The following PELI2 variants were observed in gnomAD, a reference collection of about 807,000 sequenced individuals.
PELI2 encodes E3 ubiquitin-protein ligase pellino homolog 2.
In PELI2, 23 loss-of-function variants were observed where a neutral mutation model predicts 42.3. The observed-to-expected ratio is 0.54, with a 90% CI of 0.39 to 0.77. The LOEUF is 0.77. Among genes scored for constraint, PELI2 ranks in the 30% least tolerant of loss-of-function variants. The pLI, the probability that PELI2 is intolerant of heterozygous loss-of-function variation, is 0.00. For missense variants in PELI2, 463 were observed against 553.2 expected (o/e 0.84, Z 1.64); for synonymous variants, 245 against 212.2 (o/e 1.15, Z -1.34).
In PELI2 at chr14:56,263,426, A is replaced by G. The variant is rs190245971; in HGVS notation, c.208-16250A>G. ...AAAAAAAAGAGGTGAATGCAAAACT[A>G]TCATCTAAACATTGAATTACACTCT... On this transcript the variant is annotated intron_variant, in intron 2 of 5. Coordinates refer to ENST00000267460, the MANE Select transcript of PELI2 (RefSeq NM_021255.3). Among the ~76,000 whole-genome samples the G allele has an allele frequency of 5.6e-3, 851 of 152,334 alleles. 5 individuals carry two copies. Among genetic ancestry groups the G allele is most frequent in the Middle Eastern group, 0.017 (5 of 294 alleles).
At chr14:56,141,641 G>T (rs1356544906) in intron 1 of PELI2, among the ~76,000 whole-genome samples, 1 of 152,172 alleles carries the variant, frequency 6.6e-6, no homozygotes, top group Non-Finnish European at 1.5e-5. Context: ...CCTCTTCACA[G>T]GTCAGCGGGA....
chr14:56,230,297 G>A (rs1487937525), intron 2 of PELI2, among the ~76,000 whole-genome samples: 2 of 152,126 alleles, frequency 1.3e-5, no homozygotes, highest in Non-Finnish European at 2.9e-5. Flanking sequence ...ACACATGATT[G>A]TCAGATTCAC....
intron 1 of PELI2, among the ~76,000 whole-genome samples, chr14:56,125,919 A>G (rs562746552): frequency 1.3e-5 from 2 of 152,230 alleles, no homozygotes; most frequent in South Asian, 2.1e-4. Flanking sequence ...GCCACCCCAC[A>G]TGGAGATGTG....
chr14:56,122,334 A>T (rs972511915), intron 1 of PELI2, among the ~76,000 whole-genome samples: 2 of 152,166 alleles, frequency 1.3e-5, no homozygotes, highest in African/African-American at 4.8e-5. Flanking sequence ...ATTCTTGAGG[A>T]CACAGGCTCC....
At chr14:56,239,538 T>C (rs954952620) in intron 2 of PELI2, among the ~76,000 whole-genome samples, 2 of 152,218 alleles carry the variant, frequency 1.3e-5, no homozygotes, top group Non-Finnish European at 2.9e-5. Flanking sequence ...TTAATACTAA[T>C]TACAACATAT....
chr14:56,198,006 ACACACACC>A (rs1308986310), intron 2 of PELI2, among the ~76,000 whole-genome samples: 47 of 116,458 alleles, frequency 4.0e-4, no homozygotes, highest in South Asian at 1.6e-3. Context: ...ACACACACAC[ACACACACC>A]CACCTCTTTG....
chr14:56,237,648 C>T (rs1050470792), intron 2 of PELI2, among the ~76,000 whole-genome samples: 4 of 150,952 alleles, frequency 2.6e-5, no homozygotes, highest in African/African-American at 7.3e-5. Context: ...AAATCTCCAT[C>T]CCCAAGCATC....
chr14:56,122,721 A>G (rs1305928386), intron 1 of PELI2, among the ~76,000 whole-genome samples: 1 of 152,124 alleles, frequency 6.6e-6, no homozygotes, highest in Admixed American at 6.6e-5. Context: ...GGGGAAAAAC[A>G]TGTCTTGATT....
chr14:56,300,804 G>A lies in PELI2; in HGVS notation c.*3638G>A, dbSNP rs1169517141. ...TCTGTCCCAGTAGTTTAGCCTTTGT[G>A]GCTTAGGTTATGATGCGCCTCCTTC... On this transcript the variant is annotated 3_prime_UTR_variant, in exon 6 of 6. Coordinates refer to ENST00000267460, the MANE Select transcript of PELI2 (RefSeq NM_021255.3). 6.6e-6 allele frequency: 1 copy of A among 152,082 alleles called. No individual in the cohort carries two copies. Among genetic ancestry groups the A allele is most frequent in the Non-Finnish European group, 1.5e-5 (1 of 68,008 alleles). The allele number at this position is 152,082 out of a possible 1,614,324, so 9.4% of individuals were successfully genotyped here. A position where few individuals can be genotyped will look rare whatever the true frequency, so the allele number is the denominator to read the frequency against.
At chr14:56,124,983 A>G (rs1053709055) in intron 1 of PELI2, among the ~76,000 whole-genome samples, 2 of 152,102 alleles carry the variant, frequency 1.3e-5, no homozygotes, top group South Asian at 4.1e-4. Context: ...AGCACAGGAG[A>G]CTGTCTCAGG....
chr14:56,231,634 T>G (rs1887576116), intron 2 of PELI2, among the ~76,000 whole-genome samples: 1 of 152,148 alleles, frequency 6.6e-6, no homozygotes. Flanking sequence ...TTTATAGCAC[T>G]AAATGCTCAC....
At chr14:56,156,983 C>T (rs1012140676) in intron 1 of PELI2, among the ~76,000 whole-genome samples, 3 of 152,054 alleles carry the variant, frequency 2.0e-5, no homozygotes, top group Non-Finnish European at 4.4e-5. Flanking sequence ...GTATTTATTC[C>T]CTGTATTCAG....
intron 1 of PELI2, among the ~76,000 whole-genome samples, chr14:56,165,276 C>T (rs911977273): frequency 6.6e-6 from 1 of 152,122 alleles, no homozygotes; most frequent in African/African-American, 2.4e-5. Context: ...TTAAGTTCTT[C>T]ATTGACCCAC....
At chr14:56,233,625 A>T (rs1324297270) in intron 2 of PELI2, among the ~76,000 whole-genome samples, 1 of 152,220 alleles carries the variant, frequency 6.6e-6, no homozygotes, top group African/African-American at 2.4e-5. Context: ...TAAAGACTTA[A>T]ACGTAAGACC....
At chr14:56,162,667 G>A (rs1884808605) in intron 1 of PELI2, among the ~76,000 whole-genome samples, 1 of 152,092 alleles carries the variant, frequency 6.6e-6, no homozygotes, top group Non-Finnish European at 1.5e-5. Flanking sequence ...TCAATTTTTA[G>A]TTTTTTGAGG....
chr14:56,294,783 A>T (rs1889946154), intron 5 of PELI2, among the ~76,000 whole-genome samples: 2 of 152,158 alleles, frequency 1.3e-5, no homozygotes, highest in Admixed American at 1.3e-4. Context: ...TACTCTGCAC[A>T]CCCTCACATT....
intron 2 of PELI2, among the ~76,000 whole-genome samples, chr14:56,259,411 A>G (rs139542797): frequency 6.6e-6 from 1 of 152,286 alleles, no homozygotes; most frequent in East Asian, 1.9e-4. Flanking sequence ...ATGCATAGAG[A>G]TAAAATGACA....
At chr14:56,274,712 G>A (rs1422994364) in intron 2 of PELI2, among the ~76,000 whole-genome samples, 1 of 152,192 alleles carries the variant, frequency 6.6e-6, no homozygotes. Context: ...GAATGGCAAA[G>A]GCTGGCAGAG....
intron 1 of PELI2, among the ~76,000 whole-genome samples, chr14:56,176,644 C>A (rs1259895874): frequency 6.6e-6 from 1 of 152,124 alleles, no homozygotes; most frequent in Non-Finnish European, 1.5e-5. Flanking sequence ...CTGGTTTGGC[C>A]ACTCTTGGAT....
Sources: gnomAD v4.1 joint callset for allele counts (sites outside exome capture counted in the v4.1 genomes callset) on GRCh38, gnomAD v4.1.1 for gene constraint, MANE v1.5 for transcripts, NCBI Gene and HGNC (gene_info 2026-07-23, HGNC 2026-07-21) for gene names.